RALGAPA1: variants seen among roughly 807,000 people sequenced by gnomAD.
The protein encoded by RALGAPA1 is ral GTPase-activating protein subunit alpha-1.
In RALGAPA1, 52 loss-of-function variants were observed where a neutral mutation model predicts 269.6. The observed-to-expected ratio is 0.19, with a 90% CI of 0.15 to 0.24. The LOEUF (loss-of-function observed/expected upper bound fraction) is 0.24. Ranked by LOEUF, RALGAPA1 falls within the 10% of genes least tolerant of loss-of-function variation. RALGAPA1 has a pLI of 1.00. For synonymous variants in RALGAPA1, 817 were observed against 1,008.3 expected (o/e 0.81, Z 3.60); for missense variants, 1,917 against 3,013.9 (o/e 0.64, Z 8.52).
intron 10 of RALGAPA1, 21 bp from the exon 11 acceptor site, chr14:35,742,586 C>G: frequency 6.5e-7 from 1 of 1,539,558 alleles, no homozygotes; most frequent in Non-Finnish European, 9.0e-7. Flanking sequence ...AAAGGAGAAT[C>G]AAGATAATGA....
intron 41 of RALGAPA1, chr14:35,541,870 C>T (rs2054035772): frequency 2.1e-6 from 1 of 466,956 alleles, no homozygotes; most frequent in African/African-American, 2.0e-5. Flanking sequence ...AGATAGATAA[C>T]AGATATGAGA....
intron 28 of RALGAPA1, among the ~76,000 whole-genome samples, chr14:35,656,312 T>TA (rs1566934692): frequency 6.6e-6 from 1 of 152,218 alleles, no homozygotes; most frequent in Non-Finnish European, 1.5e-5. Flanking sequence ...TGGAATATGT[T>TA]AAATATTTTT....
intron 3 of RALGAPA1, among the ~76,000 whole-genome samples, chr14:35,771,556 T>G (rs2074621427): frequency 6.6e-6 from 1 of 152,192 alleles, no homozygotes; most frequent in Non-Finnish European, 1.5e-5. Flanking sequence ...AACAAGAAAT[T>G]AACAAAATAC....
chr14:35,608,408 C>T (rs2059716321), intron 35 of RALGAPA1, among the ~76,000 whole-genome samples: 1 of 152,148 alleles, frequency 6.6e-6, no homozygotes, highest in Admixed American at 6.5e-5. Context: ...AGGCTAATTA[C>T]TGGGGGGAAA....
At chr14:35,591,002 T>C (rs1018176198) in intron 37 of RALGAPA1, among the ~76,000 whole-genome samples, 11 of 152,172 alleles carry the variant, frequency 7.2e-5, no homozygotes, top group Non-Finnish European at 1.3e-4. Flanking sequence ...AGGAGAAATG[T>C]TGGATAAAGT....
At chr14:35,623,201 T>A (rs953063280) in intron 35 of RALGAPA1, among the ~76,000 whole-genome samples, 1 of 150,896 alleles carries the variant, frequency 6.6e-6, no homozygotes, top group Non-Finnish European at 1.5e-5. Flanking sequence ...AGAAAAAAAT[T>A]GAGAGAAATG....
intron 26 of RALGAPA1, 91 bp from the exon 27 acceptor site, chr14:35,664,858 G>A (rs967706079): frequency 1.5e-5 from 17 of 1,160,640 alleles, no homozygotes; most frequent in Non-Finnish European, 1.8e-5. Context: ...CATTAGACAG[G>A]GAAGTGATAC....
At chr14:35,575,681 G>A (rs7493215) in intron 37 of RALGAPA1, among the ~76,000 whole-genome samples, 4 of 152,094 alleles carry the variant, frequency 2.6e-5, no homozygotes, top group Admixed American at 1.3e-4. Flanking sequence ...TGCAACCTCC[G>A]CCTCCCAGGT....
At position 35,808,110 on chromosome 14, in the gene RALGAPA1, TA is replaced by T. The variant is rs57269841; in HGVS notation, c.106+619del. 8.6e-4 allele frequency among the ~76,000 whole-genome samples: 131 copies of T among 152,086 alleles called. 2 individuals carry two copies. The highest frequency in any genetic ancestry group is 6.8e-3 in the Middle Eastern group (2 of 294). On this transcript the variant is annotated intron_variant, in intron 1 of 41. Coordinates refer to ENST00000680220, the MANE Select transcript of RALGAPA1 (RefSeq NM_001346249.2). ...CAAAACAGAACTTAAGGGCAGACGA[TA>T]AAAAAAATATTTTTAATTAAAAATA...
At chr14:35,775,151 C>G in intron 2 of RALGAPA1, 96 bp from the exon 3 acceptor site, 1 of 713,466 alleles carries the variant, frequency 1.4e-6, no homozygotes, top group South Asian at 1.8e-5. Context: ...TTTTTCCCAG[C>G]AATTATTTAG....
At chr14:35,588,470 C>T (rs7151297) in intron 37 of RALGAPA1, among the ~76,000 whole-genome samples, 6,695 of 150,932 alleles carry the variant, frequency 0.044, 393 homozygotes, top group South Asian at 0.14. Flanking sequence ...TTTTCTTTAA[C>T]AAAAAAGTCA....
At chr14:35,706,081 T>A (rs1466417174) in intron 16 of RALGAPA1, among the ~76,000 whole-genome samples, 3 of 152,218 alleles carry the variant, frequency 2.0e-5, no homozygotes, top group African/African-American at 7.2e-5. Flanking sequence ...TCTCCCCATC[T>A]GTGACTTGTC....
chr14:35,567,136 G>C (rs1384783249), intron 39 of RALGAPA1, among the ~76,000 whole-genome samples: 1 of 151,838 alleles, frequency 6.6e-6, no homozygotes, highest in Non-Finnish European at 1.5e-5. Context: ...TTTGCTGGTA[G>C]AAAACTTCAG....
rs552297980 is a variant in RALGAPA1, at chr14:35,785,363, T to C, written c.107-9618A>G. On this transcript the variant is annotated intron_variant, in intron 1 of 41. Coordinates refer to ENST00000680220, the MANE Select transcript of RALGAPA1 (RefSeq NM_001346249.2). ...GATCTGATCTCTATCTGATCTGATC[T>C]TCACAGATAGCTTGAGAACCATTTG... Among the ~76,000 whole-genome samples, 554 of 152,338 alleles carry C rather than the reference T, an allele frequency of 3.6e-3. 3 individuals carry two copies. Among genetic ancestry groups the C allele is most frequent in the African/African-American group, 0.013 (526 of 41,586 alleles).
At chr14:35,752,355 A>C (rs1220515466) in intron 7 of RALGAPA1, among the ~76,000 whole-genome samples, 193 bp from the exon 8 acceptor site, 1 of 152,208 alleles carries the variant, frequency 6.6e-6, no homozygotes, top group Admixed American at 6.6e-5. Context: ...GTATATGTTT[A>C]AAAAACCTTA....
chr14:35,557,777 C>A (rs1032259068), intron 39 of RALGAPA1, among the ~76,000 whole-genome samples: 3 of 151,922 alleles, frequency 2.0e-5, no homozygotes, highest in African/African-American at 7.3e-5. Context: ...TTTGAATTTC[C>A]CCAAATCTAG....
In RALGAPA1 at chr14:35,689,184, T is replaced by A. The variant is rs533902723; in HGVS notation, c.3227A>T (p.Asp1076Val). ...QAATELDACV[D>V]VTLVEKLKSV... ...CTTAAGCTTTTCAACTAGTGTTACA[T>A]CAACACAAGCATCTAATTCTGTGGC... The change falls in exon 18 of 42, where the codon GAT becomes GTT. Residue 1076 changes from aspartate to valine, a missense_variant. By Grantham distance (152) the Asp-to-Val change is radical (BLOSUM62 -3). Around this residue, in one of 11 missense-constraint regions of RALGAPA1, gnomAD observed 615 missense variants for 790.0 expected, o/e 0.78. Transcript: ENST00000680220. 5.6e-5 allele frequency: 69 copies of A among 1,233,062 alleles called. No homozygotes were observed. The highest frequency in any genetic ancestry group is 6.6e-5 in the Non-Finnish European group (65 of 988,752). 76.4% of individuals were successfully genotyped at this position (1,233,062 alleles called of 1,614,324 possible). A position where few individuals can be genotyped will look rare whatever the true frequency, so the allele number is the denominator to read the frequency against.
At chr14:35,724,939 A>C in intron 14 of RALGAPA1, 85 bp downstream of exon 14, 1 of 1,122,992 alleles carries the variant, frequency 8.9e-7, no homozygotes, top group East Asian at 2.9e-5. Flanking sequence ...GGGTTCAATG[A>C]ATTTTAAAAA....
Position 35,721,782 on chromosome 14 carries a change from C to T in RALGAPA1, c.2172G>A (p.Gln724=). The change falls in exon 16 of 42, where the codon CAG becomes CAA. Residue 724 remains glutamine (Q), a synonymous_variant. Transcript: ENST00000680220. ...KSFSRGWSRD[Q]PGQAPMRQRS... ...TCTGTCTCATTGGGGCTTGGCCAGG[C>T]TGATCACGACTCCATCCTCTAGAAA... 1 of 1,612,232 alleles carries T rather than the reference C, an allele frequency of 6.2e-7. No homozygotes were observed. The highest frequency in any genetic ancestry group is 8.5e-7 in the Non-Finnish European group (1 of 1,178,348).
Sources: allele counts gnomAD v4.1 joint callset (sites outside exome capture counted in the v4.1 genomes callset), GRCh38; gene constraint gnomAD v4.1.1; regional missense constraint gnomAD v4.1.1; transcripts MANE v1.5; gene names NCBI Gene and HGNC (gene_info 2026-07-23, HGNC 2026-07-21).